The following RSPH9 variants were observed in gnomAD, a reference collection of about 807,000 sequenced individuals.
RSPH9 encodes the protein radial spoke head component 9, also known as radial spoke head protein 9 homolog.
In RSPH9, 27 loss-of-function variants were observed where a neutral mutation model predicts 27.0. The ratio of observed to expected loss-of-function variants is 1.00; its 90% CI spans 0.74 to 1.38. The LOEUF is 1.38. Ranked by LOEUF, RSPH9 falls within the 40% of genes most tolerant of loss-of-function variation. The pLI, the probability that RSPH9 is intolerant of heterozygous loss-of-function variation, is 0.00. For synonymous variants in RSPH9, 145 were observed against 147.7 expected, an observed-to-expected ratio of 0.98 and a Z score of 0.13; for missense variants, 347 against 357.4, an observed-to-expected ratio of 0.97 and a Z score of 0.24.
In RSPH9 at chr6:43,672,132, C is replaced by T; in HGVS notation, c.*1183C>T. On this transcript the variant is annotated 3_prime_UTR_variant, in exon 5 of 5. Transcript: ENST00000372163. ...GCAAGCCTGTGTGGCCAGGTTCAGG[C>T]AGCCCAGGGCCACAAGCTCCCTTGA... 1 of 594,706 alleles carries T rather than the reference C, an allele frequency of 1.7e-6. No homozygotes were observed. The highest frequency in any genetic ancestry group is 3.0e-6 in the Non-Finnish European group (1 of 331,810). 36.8% of individuals were successfully genotyped at this position (594,706 alleles called of 1,614,324 possible).
Position 43,671,674 on chromosome 6 carries a change from A to G in RSPH9, c.*725A>G. 6.7e-7 allele frequency: 1 copy of G among 1,494,380 alleles called. No homozygotes were observed. The highest frequency in any genetic ancestry group is 9.3e-7 in the Non-Finnish European group (1 of 1,077,368). The allele number at this position is 1,494,380 out of a possible 1,614,324, so 92.6% of individuals were successfully genotyped here. On this transcript the variant is annotated 3_prime_UTR_variant, in exon 5 of 5. Transcript: ENST00000372163. ...CCAGGCCATCGTGGTGGGGTGGGAC[A>G]GGAGTATAGTTGTGGCCAAGGGCTT...
At position 43,669,899 on chromosome 6, in the gene RSPH9, A is replaced by G. The variant is rs1284783423; in HGVS notation, c.671-890A>G. ...GCAGAACCTAGGACAAAGGCTCATTAGGGGCAGCCCAAGTCCCCTCCCACC... is the reference window on the plus strand; with the variant it reads ...GCAGAACCTAGGACAAAGGCTCATTGGGGGCAGCCCAAGTCCCCTCCCACC... On this transcript the variant is annotated intron_variant, in intron 4 of 4. Coordinates refer to ENST00000372163, the MANE Select transcript of RSPH9 (RefSeq NM_152732.5). Among the ~76,000 whole-genome samples the G allele has an allele frequency of 1.3e-5, 2 of 152,238 alleles. 1 individual carries two copies. The highest frequency in any genetic ancestry group is 6.3e-3 in the Middle Eastern group (2 of 316).
chr6:43,672,170 T>C lies in RSPH9; in HGVS notation c.*1221T>C, dbSNP rs1157246890. 1.8e-6 allele frequency: 1 copy of C among 551,288 alleles called. No homozygotes were observed. Among genetic ancestry groups the C allele is most frequent in the East Asian group, 3.3e-5 (1 of 30,594 alleles). 34.1% of individuals were successfully genotyped at this position (551,288 alleles called of 1,614,324 possible). A position where few individuals can be genotyped will look rare whatever the true frequency, so the allele number is the denominator to read the frequency against. On this transcript the variant is annotated 3_prime_UTR_variant, in exon 5 of 5. Transcript: ENST00000372163. ...CAAGCTCCCTTGATCTTTGTAAATG[T>C]CAATGTTGGTGTGTGTTTGCTGAGG...
chr6:43,652,930 A>C (rs1771634981), intron 2 of RSPH9, among the ~76,000 whole-genome samples: 1 of 151,806 alleles, frequency 6.6e-6, no homozygotes, highest in African/African-American at 2.4e-5. Flanking sequence ...GTGATCCTCC[A>C]GCCTCAGCCT....
chr6:43,648,890 G>A (rs112466234), intron 1 of RSPH9, among the ~76,000 whole-genome samples: 2,840 of 152,286 alleles, frequency 0.019, 35 homozygotes, highest in South Asian at 0.042. Flanking sequence ...CTGGAGGAGC[G>A]GGAAGGGAGA....
At chr6:43,645,475 G>A (rs1229950629) in intron 1 of RSPH9, 150 bp downstream of exon 1, 15 of 747,590 alleles carry the variant, frequency 2.0e-5, no homozygotes, top group Non-Finnish European at 2.9e-5. Flanking sequence ...GGGAGACCCT[G>A]GGGGGCGGGC....
intron 2 of RSPH9, 83 bp downstream of exon 2, chr6:43,650,623 C>CA: frequency 6.7e-7 from 1 of 1,492,160 alleles, no homozygotes; most frequent in Non-Finnish European, 9.3e-7. Flanking sequence ...ATTATGGCAA[C>CA]AGGCTGGGCA....
chr6:43,659,370 C>T (rs982931380), intron 4 of RSPH9, among the ~76,000 whole-genome samples: 7 of 151,806 alleles, frequency 4.6e-5, no homozygotes, highest in South Asian at 4.2e-4. Flanking sequence ...TTACAAGCAC[C>T]GGCCACCATG....
intron 2 of RSPH9, among the ~76,000 whole-genome samples, chr6:43,653,990 C>A (rs1459818244): frequency 6.6e-6 from 1 of 152,148 alleles, no homozygotes; most frequent in African/African-American, 2.4e-5. Context: ...CCGGGCCCAG[C>A]CGTGAGCCTC....
At chr6:43,663,622 T>G (rs1049207149) in intron 4 of RSPH9, among the ~76,000 whole-genome samples, 2 of 152,118 alleles carry the variant, frequency 1.3e-5, no homozygotes, top group Non-Finnish European at 2.9e-5. Context: ...AGACACACAT[T>G]TATCAATTAA....
chr6:43,671,932 C>T lies in RSPH9; in HGVS notation c.*983C>T, dbSNP rs1433692876. ...CTGTGGAGGGAGAACAAAGAGGTGCCTGTGAGGGCTGGGGGCCCAAGCTGG... is the reference window on the plus strand; with the variant it reads ...CTGTGGAGGGAGAACAAAGAGGTGCTTGTGAGGGCTGGGGGCCCAAGCTGG... On this transcript the variant is annotated 3_prime_UTR_variant, in exon 5 of 5. Coordinates refer to ENST00000372163, the MANE Select transcript of RSPH9 (RefSeq NM_152732.5). 1 of 1,564,364 alleles carries T rather than the reference C, an allele frequency of 6.4e-7. No individual in the cohort carries two copies. Among genetic ancestry groups the T allele is most frequent in the Admixed American group, 1.9e-5 (1 of 53,894 alleles).
In RSPH9 at chr6:43,671,797, A is replaced by T; in HGVS notation, c.*848A>T. 1 of 1,614,232 alleles carries T rather than the reference A, an allele frequency of 6.2e-7. No individual in the cohort carries two copies. Among genetic ancestry groups the T allele is most frequent in the Non-Finnish European group, 8.5e-7 (1 of 1,180,040 alleles). On this transcript the variant is annotated 3_prime_UTR_variant, in exon 5 of 5. Transcript: ENST00000372163. ...AGCTTCCAAGGTGTTCTTGAGTAGC[A>T]GACATTGTCCCTCAGAAGGGGTGAC... is the stretch of plus-strand genomic sequence containing the variant.
rs530302454 is a variant in RSPH9 at position 43,656,613 on chromosome 6, A to G, written c.560A>G (p.Tyr187Cys). 1 of 1,614,196 alleles carries G rather than the reference A, an allele frequency of 6.2e-7. No homozygotes were observed. Among genetic ancestry groups the G allele is most frequent in the Non-Finnish European group, 8.5e-7 (1 of 1,180,014 alleles). The change falls in exon 4 of 5, where the codon TAC (tyrosine) becomes TGC (cysteine). Residue 187 changes from tyrosine (Y) to cysteine (C), a missense_variant. Transcript: ENST00000372163. ...SLSEAKKLSS[Y>C]FHFREPVELK... ...TCTGAGGCCAAGAAGCTCAGCTCCT[A>G]CTTCCATTTCAGGGAGCCTGTTGAG...
chr6:43,647,586 A>G (rs1771018259), intron 1 of RSPH9, among the ~76,000 whole-genome samples: 1 of 152,204 alleles, frequency 6.6e-6, no homozygotes, highest in African/African-American at 2.4e-5. Context: ...GCAGCTGAGT[A>G]AGTTAAGTAC....
intron 2 of RSPH9, among the ~76,000 whole-genome samples, chr6:43,653,761 C>T (rs1049543980): frequency 3.9e-5 from 6 of 152,018 alleles, no homozygotes; most frequent in Non-Finnish European, 8.8e-5. Context: ...GGCGTGGTCT[C>T]GGCTCACTGC....
At chr6:43,670,714 C>T (rs1412552735) in intron 4 of RSPH9, 75 bp from the exon 5 acceptor site, 3 of 1,425,780 alleles carry the variant, frequency 2.1e-6, no homozygotes, top group Non-Finnish European at 3.0e-6. Context: ...CCCAAGGAGC[C>T]AGGGGCCACA....
intron 2 of RSPH9, among the ~76,000 whole-genome samples, chr6:43,654,205 G>A (rs887867672): frequency 5.9e-5 from 9 of 152,092 alleles, no homozygotes; most frequent in East Asian, 5.8e-4. Flanking sequence ...CTGTTGACAC[G>A]CATTCTCTGT....
intron 2 of RSPH9, among the ~76,000 whole-genome samples, chr6:43,652,771 A>G (rs1359954012): frequency 6.8e-6 from 1 of 147,700 alleles, no homozygotes; most frequent in Non-Finnish European, 1.5e-5. Flanking sequence ...ATGTACCATA[A>G]TTTTCCCAGT....
chr6:43,655,828 G>C (rs892939233), intron 3 of RSPH9, 137 bp downstream of exon 3: 2 of 1,059,172 alleles, frequency 1.9e-6, no homozygotes, highest in Admixed American at 1.9e-5. Flanking sequence ...CACCTGGGAG[G>C]GTGTGCCCAG....
Sources: gnomAD v4.1 joint callset for allele counts (sites outside exome capture counted in the v4.1 genomes callset) on GRCh38, gnomAD v4.1.1 for gene constraint, MANE v1.5 for transcripts, NCBI Gene and HGNC (gene_info 2026-07-23, HGNC 2026-07-21) for gene names.